Variants in CACNA2D3 observed in about 807,000 individuals in gnomAD.
CACNA2D3 encodes the protein voltage-dependent calcium channel subunit alpha-2/delta-3.
A neutral mutation model predicts 160.6 loss-of-function variants in CACNA2D3; 60 were observed. The ratio of observed to expected loss-of-function variants is 0.37; its 90% confidence interval spans 0.30 to 0.46. The LOEUF (loss-of-function observed/expected upper bound fraction) is 0.46, where lower values mean the gene tolerates loss of function less well. Ranked by LOEUF, CACNA2D3 falls within the 20% of genes least tolerant of loss-of-function variation. CACNA2D3 has a pLI of 1.00. For synonymous variants in CACNA2D3, 558 were observed against 492.9 expected (o/e 1.13, Z -1.75); for missense variants, 1,205 against 1,365.0 (o/e 0.88, Z 1.85).
intron 23 of CACNA2D3, 53 bp from the exon 24 acceptor site, chr3:54,887,906 A>G: frequency 1.4e-6 from 2 of 1,407,210 alleles, no homozygotes; most frequent in Admixed American, 1.7e-5. Context: ...AGTGCCTCTC[A>G]TGCCCCTCTT....
chr3:54,988,472 G>T (rs1157802556), intron 31 of CACNA2D3, among the ~76,000 whole-genome samples: 1 of 152,202 alleles, frequency 6.6e-6, no homozygotes, highest in Non-Finnish European at 1.5e-5. Context: ...CTCCCTGGGG[G>T]TCCATGCTGT....
chr3:54,488,221 T>G (rs1014658712), intron 4 of CACNA2D3, among the ~76,000 whole-genome samples: 1 of 151,792 alleles, frequency 6.6e-6, no homozygotes, highest in African/African-American at 2.4e-5. Context: ...GATGGGTTGC[T>G]TAAGCAAGGT....
At chr3:54,698,429 C>T (rs1700704099) in intron 11 of CACNA2D3, among the ~76,000 whole-genome samples, 1 of 152,192 alleles carries the variant, frequency 6.6e-6, no homozygotes, top group Non-Finnish European at 1.5e-5. Context: ...AAACTTTAAA[C>T]TTGCTTTGTT....
chr3:54,784,440 C>CT (rs900360106), intron 13 of CACNA2D3, among the ~76,000 whole-genome samples: 128 of 147,742 alleles, frequency 8.7e-4, no homozygotes, highest in African/African-American at 2.6e-3. Flanking sequence ...CATTGTCAGA[C>CT]TTTTTTTTTT....
At chr3:54,928,056 A>G in intron 27 of CACNA2D3, 1 of 736,522 alleles carries the variant, frequency 1.4e-6, no homozygotes, top group Non-Finnish European at 2.4e-6. Flanking sequence ...TCAATGCAGA[A>G]AACAGTTGTT....
intron 27 of CACNA2D3, among the ~76,000 whole-genome samples, chr3:54,951,451 T>C (rs549853245): frequency 6.6e-6 from 1 of 152,332 alleles, no homozygotes; most frequent in African/African-American, 2.4e-5. Flanking sequence ...AACTGTTCTT[T>C]GGTGTGCGGC....
chr3:54,454,611 C>G (rs1357671606), intron 4 of CACNA2D3, among the ~76,000 whole-genome samples: 8 of 152,038 alleles, frequency 5.3e-5, no homozygotes, highest in Non-Finnish European at 7.4e-5. Context: ...TGGAAATGTT[C>G]AAAATCCTCT....
chr3:54,763,681 A>G (rs1204849938), intron 12 of CACNA2D3, among the ~76,000 whole-genome samples: 7 of 143,844 alleles, frequency 4.9e-5, no homozygotes, highest in African/African-American at 1.5e-4. Context: ...ATATATGTAT[A>G]TATGTGTGTA....
intron 2 of CACNA2D3, among the ~76,000 whole-genome samples, chr3:54,274,138 T>C (rs1702683018): frequency 6.6e-6 from 1 of 152,122 alleles, no homozygotes; most frequent in South Asian, 2.1e-4. Flanking sequence ...AAAAATCTGC[T>C]GTAAAGCAAT....
At chr3:54,402,836 C>G (rs1559471834) in intron 4 of CACNA2D3, among the ~76,000 whole-genome samples, 1 of 152,166 alleles carries the variant, frequency 6.6e-6, no homozygotes, top group Non-Finnish European at 1.5e-5. Context: ...ACATTCTTCT[C>G]TAGTGCACGT....
At chr3:54,972,557 C>CT (rs3836391) in intron 29 of CACNA2D3, among the ~76,000 whole-genome samples, 18,251 of 152,184 alleles carry the variant, frequency 0.12, 1,439 homozygotes, top group African/African-American at 0.22. Context: ...GTTCAGTGGT[C>CT]TGACTTCTCC....
intron 35 of CACNA2D3, among the ~76,000 whole-genome samples, chr3:55,045,023 C>A (rs753753833): frequency 1.3e-5 from 2 of 151,944 alleles, no homozygotes; most frequent in Admixed American, 1.3e-4. Context: ...CTTTTTTACT[C>A]TATGTTAATA....
intron 2 of CACNA2D3, among the ~76,000 whole-genome samples, chr3:54,139,251 C>A (rs1699874592): frequency 6.6e-6 from 1 of 152,202 alleles, no homozygotes; most frequent in African/African-American, 2.4e-5. Flanking sequence ...TGCCCCCATC[C>A]CACCCATACC....
intron 35 of CACNA2D3, among the ~76,000 whole-genome samples, chr3:55,051,232 G>A (rs1704199693): frequency 6.6e-6 from 1 of 152,152 alleles, no homozygotes; most frequent in Admixed American, 6.5e-5. Context: ...CATCTTTGTG[G>A]TTTTATCTAC....
intron 4 of CACNA2D3, among the ~76,000 whole-genome samples, chr3:54,400,867 T>C (rs923384534): frequency 3.3e-5 from 5 of 152,088 alleles, no homozygotes; most frequent in Non-Finnish European, 5.9e-5. Flanking sequence ...ATTGCCAAAG[T>C]AACACAATAA....
In CACNA2D3 at chr3:54,678,785, CTTTG is replaced by C. The variant is rs562635171; in HGVS notation, c.1167+36549_1167+36552del. Among the ~76,000 whole-genome samples the C allele has an allele frequency of 4.9e-3, 630 of 127,872 alleles. 4 individuals carry two copies. Among genetic ancestry groups the C allele is most frequent in the Middle Eastern group, 5.5e-3 (1 of 182 alleles). 83.9% of individuals were successfully genotyped at this position (127,872 alleles called of 152,430 possible). A position where few individuals can be genotyped will look rare whatever the true frequency, so the allele number is the denominator to read the frequency against. On this transcript the variant is annotated intron_variant, in intron 11 of 37. Transcript: ENST00000474759. ...AAGTTAATTAATTGCATAAACATTT[CTTTG>C]TTTGGTAAAATTTGCTTTTTTCTCA...
At chr3:54,413,883 G>A (rs1248603924) in intron 4 of CACNA2D3, among the ~76,000 whole-genome samples, 1 of 131,268 alleles carries the variant, frequency 7.6e-6, no homozygotes, top group Non-Finnish European at 1.6e-5. Context: ...GTTCCTTTCT[G>A]TTTCTTTTGA....
chr3:54,985,659 T>C (rs1433587139), intron 30 of CACNA2D3, among the ~76,000 whole-genome samples: 2 of 152,218 alleles, frequency 1.3e-5, no homozygotes, highest in Non-Finnish European at 2.9e-5. Flanking sequence ...TGAAGTCTCT[T>C]TTAAATCATT....
intron 27 of CACNA2D3, among the ~76,000 whole-genome samples, chr3:54,936,488 G>A (rs564166665): frequency 6.6e-6 from 1 of 152,304 alleles, no homozygotes; most frequent in South Asian, 2.1e-4. Flanking sequence ...CCACTTTCAT[G>A]TGGGATGTTT....
Sources: gnomAD v4.1 joint callset for allele counts (sites outside exome capture counted in the v4.1 genomes callset) on GRCh38, gnomAD v4.1.1 for gene constraint, MANE v1.5 for transcripts, NCBI Gene and HGNC (gene_info 2026-07-23, HGNC 2026-07-21) for gene names.